Variants in PTPRD observed in about 807,000 individuals in gnomAD.
The protein encoded by PTPRD is protein tyrosine phosphatase receptor type D.
PTPRD carries 34 observed loss-of-function variants against 214.5 expected under a neutral mutation model. The ratio of observed to expected loss-of-function variants is 0.16; its 90% confidence interval spans 0.12 to 0.21. The LOEUF is 0.21. PTPRD is among the 10% of genes least tolerant of loss of function. The pLI is 1.00. For synonymous variants in PTPRD, 1,128 were observed against 845.7 expected (o/e 1.33, Z -5.79); for missense variants, 2,545 against 2,398.7 (o/e 1.06, Z -1.27).
At chr9:9,355,955 T>G (rs574727852) in intron 9 of PTPRD, among the ~76,000 whole-genome samples, 3 of 151,542 alleles carry the variant, frequency 2.0e-5, no homozygotes, top group African/African-American at 7.2e-5. Context: ...CTGTGTCAAA[T>G]GCTACCAGTA....
intron 11 of PTPRD, among the ~76,000 whole-genome samples, 188 bp downstream of exon 11, chr9:9,018,509 T>C (rs2099545776): frequency 6.6e-6 from 1 of 152,102 alleles, no homozygotes; most frequent in African/African-American, 2.4e-5. Flanking sequence ...TACAGAAAAT[T>C]TATGTATATT....
chr9:10,081,703 A>C (rs539041249), intron 3 of PTPRD, among the ~76,000 whole-genome samples: 1 of 152,228 alleles, frequency 6.6e-6, no homozygotes, highest in Non-Finnish European at 1.5e-5. Flanking sequence ...GCAATGGGTA[A>C]AGTAAGACAG....
At chr9:8,511,610 G>A (rs527886524) in intron 21 of PTPRD, among the ~76,000 whole-genome samples, 4 of 152,060 alleles carry the variant, frequency 2.6e-5, no homozygotes, top group African/African-American at 9.6e-5. Flanking sequence ...AACATATCCA[G>A]ACCTTTAAGC....
rs751455354 is a variant in PTPRD at position 9,553,519 on chromosome 9, A to AT, written c.-237+21212dup. 6.8e-3 allele frequency among the ~76,000 whole-genome samples: 1,025 copies of AT among 150,140 alleles called. 10 individuals are homozygous for AT. The highest frequency in any genetic ancestry group is 0.023 in the African/African-American group (963 of 41,024). ...ATAAGTAGAAGGTAGAAAAACTCGG[A>AT]TTTTTTTTTTCCACATTGGTATTCC... On this transcript the variant is annotated intron_variant, in intron 8 of 45. Coordinates refer to ENST00000381196, the MANE Select transcript of PTPRD (RefSeq NM_002839.4).
chr9:8,498,266 A>AT (rs953352320), intron 25 of PTPRD, among the ~76,000 whole-genome samples: 1 of 151,974 alleles, frequency 6.6e-6, no homozygotes, highest in Non-Finnish European at 1.5e-5. Flanking sequence ...TTGCTGTCTT[A>AT]TTTTTTTATT....
intron 3 of PTPRD, among the ~76,000 whole-genome samples, chr9:10,072,640 A>G (rs10119219): frequency 4.9e-4 from 75 of 152,110 alleles, no homozygotes; most frequent in African/African-American, 1.7e-3. Flanking sequence ...CCTCCCTGCA[A>G]TTGACTGCTT....
At position 10,563,743 on chromosome 9, in the gene PTPRD, A is replaced by G. The variant is rs1326379332; in HGVS notation, c.-600+48655T>C. On this transcript the variant is annotated intron_variant, in intron 2 of 45. Coordinates refer to ENST00000381196, the MANE Select transcript of PTPRD (RefSeq NM_002839.4). ...TTTACGTGTCTAAATGGTTGTATAA[A>G]TAAGATGTTTTGCTTTTGAACAAAT... 2.6e-5 allele frequency among the ~76,000 whole-genome samples: 4 copies of G among 152,040 alleles called. No individual in the cohort carries two copies. In the East Asian group the frequency reaches 7.7e-4, roughly 29 times the overall value.
At chr9:8,689,981 G>A (rs1334127830) in intron 12 of PTPRD, among the ~76,000 whole-genome samples, 8 of 151,864 alleles carry the variant, frequency 5.3e-5, no homozygotes, top group South Asian at 4.1e-4. Flanking sequence ...AGTGGCATGT[G>A]CCTGTAGTCC....
chr9:10,482,907 A>G (rs547882313), intron 2 of PTPRD, among the ~76,000 whole-genome samples: 95 of 152,256 alleles, frequency 6.2e-4, no homozygotes, highest in South Asian at 1.7e-3. Context: ...CAATAACAAC[A>G]TGATTCTTTA....
At chr9:10,533,055 T>A (rs1409825233) in intron 2 of PTPRD, among the ~76,000 whole-genome samples, 1 of 152,062 alleles carries the variant, frequency 6.6e-6, no homozygotes, top group Admixed American at 6.6e-5. Context: ...TGAGTTCTCC[T>A]GGGAATGGAT....
intron 8 of PTPRD, among the ~76,000 whole-genome samples, chr9:9,530,733 A>G (rs2075282156): frequency 6.6e-6 from 1 of 152,244 alleles, no homozygotes; most frequent in Non-Finnish European, 1.5e-5. Flanking sequence ...TGTCATTTGC[A>G]GCAACATGGA....
chr9:8,725,268 A>C (rs2098544984), intron 12 of PTPRD, among the ~76,000 whole-genome samples: 1 of 152,186 alleles, frequency 6.6e-6, no homozygotes, highest in South Asian at 2.1e-4. Flanking sequence ...TTACTGTTAG[A>C]AAATGTAAAT....
Position 8,315,355 on chromosome 9 carries a change from C to T in PTPRD, c.*2519G>A, listed in dbSNP as rs980559267. The T allele has an allele frequency of 4.3e-6, 1 of 232,474 alleles. No individual in the cohort carries two copies. The highest frequency in any genetic ancestry group is 8.5e-6 in the Non-Finnish European group (1 of 117,386). The allele number at this position is 232,474 out of a possible 1,614,324, so 14.4% of individuals were successfully genotyped here. On this transcript the variant is annotated 3_prime_UTR_variant, in exon 46 of 46. Transcript: ENST00000381196. ...GCAGTTATTGTTTCAGGGAGAGAAG[C>T]TGCTCATTGGCCAATCATTCTGGTG...
At chr9:9,208,875 C>T (rs7029234) in intron 9 of PTPRD, among the ~76,000 whole-genome samples, 98,079 of 151,426 alleles carry the variant, frequency 0.65, 32,137 homozygotes, top group Non-Finnish European at 0.67. Flanking sequence ...TGGCGCGATC[C>T]CGGCTCACTG....
At position 10,302,403 on chromosome 9, in the gene PTPRD, T is replaced by A. The variant is rs555671612; in HGVS notation, c.-545+38560A>T. Among the ~76,000 whole-genome samples the A allele has an allele frequency of 2.0e-5, 3 of 152,194 alleles. No homozygotes were observed. The East Asian group carries it at 5.8e-4, about 29-fold the overall frequency. ...CTAGAATCATAAAGACAGGATCAAATTCACACATAACAATATTAACCGTAA... is the reference window on the plus strand; with the variant it reads ...CTAGAATCATAAAGACAGGATCAAAATCACACATAACAATATTAACCGTAA... On this transcript the variant is annotated intron_variant, in intron 3 of 45. Transcript: ENST00000381196.
chr9:9,515,426 A>G (rs953902330), intron 8 of PTPRD, among the ~76,000 whole-genome samples: 13 of 152,088 alleles, frequency 8.5e-5, no homozygotes, highest in African/African-American at 2.7e-4. Context: ...ACTAATTTAC[A>G]TTTCCAGATT....
At position 9,604,589 on chromosome 9, in the gene PTPRD, C is replaced by T. The variant is rs1181738827; in HGVS notation, c.-286-29808G>A. On this transcript the variant is annotated intron_variant, in intron 7 of 45. Transcript: ENST00000381196. ...TTTGTTCTACAAAGTGTTCTTTGAA[C>T]TTGAAATTTTGCTGTGGTCCAGTCC... is the stretch of plus-strand genomic sequence containing the variant. Among the ~76,000 whole-genome samples the T allele has an allele frequency of 2.0e-5, 3 of 151,998 alleles. No homozygotes were observed. In the East Asian group the frequency reaches 5.8e-4, roughly 29 times the overall value.
At chr9:8,582,327 T>G (rs1182977542) in intron 14 of PTPRD, among the ~76,000 whole-genome samples, 3 of 152,202 alleles carry the variant, frequency 2.0e-5, no homozygotes, top group South Asian at 4.1e-4. Flanking sequence ...TTAGATATAT[T>G]TATTACCTTG....
intron 8 of PTPRD, among the ~76,000 whole-genome samples, chr9:9,537,170 G>A (rs77320500): frequency 0.026 from 3,980 of 152,044 alleles, 185 homozygotes; most frequent in African/African-American, 0.089. Flanking sequence ...TAAGAAGGTG[G>A]AGGGTTCTTA....
Sources: gnomAD v4.1 joint callset for allele counts (sites outside exome capture counted in the v4.1 genomes callset) on GRCh38, gnomAD v4.1.1 for gene constraint, MANE v1.5 for transcripts, NCBI Gene and HGNC (gene_info 2026-07-23, HGNC 2026-07-21) for gene names.